Variants in CWH43 observed in about 807,000 individuals in gnomAD.
CWH43 encodes cell wall biogenesis 43 C-terminal homolog, also known as PGAP2-interacting protein.
In CWH43, 91 loss-of-function variants were observed where a neutral mutation model predicts 85.7. The ratio of observed to expected loss-of-function variants is 1.06; its 90% confidence interval spans 0.90 to 1.26. CWH43 has a LOEUF of 1.26. Among genes scored for constraint, CWH43 ranks in the 50% most tolerant of loss-of-function variants. The pLI is 0.00. For missense variants in CWH43, 869 were observed against 839.2 expected (o/e 1.04, Z -0.44); for synonymous variants, 323 against 293.6 (o/e 1.10, Z -1.02).
intron 14 of CWH43, among the ~76,000 whole-genome samples, chr4:49,049,703 C>T (rs1315765403): frequency 1.3e-5 from 2 of 152,144 alleles, no homozygotes; most frequent in Non-Finnish European, 2.9e-5. Flanking sequence ...TGTGGTTCCC[C>T]TTCCCTAAAC....
chr4:49,055,882 C>T (rs183118398), intron 15 of CWH43, among the ~76,000 whole-genome samples: 79 of 151,666 alleles, frequency 5.2e-4, no homozygotes, highest in Admixed American at 4.7e-3. Context: ...CAGGCATGAG[C>T]CACTATGGTC....
At chr4:49,017,219 A>G (rs371610302) in intron 8 of CWH43, 30 bp from the exon 9 acceptor site, 273 of 1,569,258 alleles carry the variant, frequency 1.7e-4, no homozygotes, top group Non-Finnish European at 2.3e-4. Flanking sequence ...TTATTTTAAA[A>G]AAACCCAATT....
Position 49,048,297 on chromosome 4 carries a change from C to CTG in CWH43, c.1866-2389_1866-2388dup, listed in dbSNP as rs543139172. Among the ~76,000 whole-genome samples, 838 of 151,036 alleles carry CTG rather than the reference C, an allele frequency of 5.5e-3. 8 individuals carry two copies. The highest frequency in any genetic ancestry group is 0.019 in the African/African-American group (779 of 41,106). On this transcript the variant is annotated intron_variant, in intron 14 of 15. Transcript: ENST00000226432. ...CAGAGTTTATATATATATACACACTCTGTGTGTGTATATATATATACACTC... is the reference window on the plus strand; with the variant it reads ...CAGAGTTTATATATATATACACACTCTGTGTGTGTGTATATATATATACACTC...
intron 8 of CWH43, among the ~76,000 whole-genome samples, chr4:49,011,363 ATGTGTG>A (rs1348088620): frequency 6.6e-6 from 1 of 151,710 alleles, no homozygotes; most frequent in Non-Finnish European, 1.5e-5. Flanking sequence ...TTTTGAGCCC[ATGTGTG>A]TGTGCATGCA....
intron 8 of CWH43, among the ~76,000 whole-genome samples, chr4:49,009,921 A>G (rs1180004031): frequency 6.6e-6 from 1 of 152,156 alleles, no homozygotes; most frequent in Non-Finnish European, 1.5e-5. Flanking sequence ...TATCAGGGAT[A>G]TTGGTTTAAA....
intron 15 of CWH43, among the ~76,000 whole-genome samples, chr4:49,054,918 G>GAT (rs142608503): frequency 0.042 from 6,143 of 147,742 alleles, 146 homozygotes; most frequent in African/African-American, 0.055. Context: ...AGTTTTTAGG[G>GAT]ATATATATAT....
chr4:48,998,157 G>A (rs1185718773), intron 5 of CWH43, among the ~76,000 whole-genome samples: 2 of 152,120 alleles, frequency 1.3e-5, no homozygotes, highest in East Asian at 3.8e-4. Context: ...TTTGTTCTTG[G>A]CAGAATCATT....
chr4:49,031,064 C>T, intron 11 of CWH43, 104 bp downstream of exon 11: 2 of 1,096,826 alleles, frequency 1.8e-6, no homozygotes, highest in Admixed American at 2.8e-5. Flanking sequence ...TGAATGTGCC[C>T]CAGTGATGCT....
At chr4:49,021,041 C>A (rs1783737519) in intron 9 of CWH43, among the ~76,000 whole-genome samples, 1 of 152,236 alleles carries the variant, frequency 6.6e-6, no homozygotes, top group Admixed American at 6.5e-5. Flanking sequence ...TTTTGCTGTG[C>A]AGAAGTTTTT....
intron 14 of CWH43, among the ~76,000 whole-genome samples, chr4:49,045,124 C>A (rs1341434804): frequency 1.3e-5 from 2 of 152,066 alleles, no homozygotes; most frequent in Non-Finnish European, 2.9e-5. Flanking sequence ...ATGTAGCTGT[C>A]AACACATGGG....
intron 2 of CWH43, 102 bp from the exon 3 acceptor site, chr4:48,991,352 C>T: frequency 8.3e-7 from 1 of 1,208,446 alleles, no homozygotes. Flanking sequence ...CTCTGTCTTC[C>T]TGAGTATAAA....
At chr4:49,034,197 T>C (rs1376687329) in intron 12 of CWH43, among the ~76,000 whole-genome samples, 2 of 152,178 alleles carry the variant, frequency 1.3e-5, no homozygotes, top group Admixed American at 1.3e-4. Flanking sequence ...AATGCTTTCT[T>C]TTTTTCCCAG....
In CWH43 at chr4:49,050,863, T is replaced by C. The variant is rs1784770566; in HGVS notation, c.2021+14T>C. ...TTTTAATCCCAGGTGAGTTCCTTTA[T>C]GCTGTAGTTCCAGTTATGAGCTACT... On this transcript the variant is annotated intron_variant, in intron 15 of 15. Transcript: ENST00000226432. 2 of 1,601,772 alleles carry C rather than the reference T, an allele frequency of 1.2e-6. No homozygotes were observed. Among genetic ancestry groups the C allele is most frequent in the East Asian group, 2.2e-5 (1 of 44,674 alleles).
At chr4:49,007,797 C>A (rs559658101) in intron 8 of CWH43, among the ~76,000 whole-genome samples, 2 of 152,290 alleles carry the variant, frequency 1.3e-5, no homozygotes, top group African/African-American at 2.4e-5. Flanking sequence ...CTGCAAAGGA[C>A]ATGAACTCAT....
At chr4:49,019,994 G>A (rs1375120492) in intron 9 of CWH43, among the ~76,000 whole-genome samples, 2 of 152,076 alleles carry the variant, frequency 1.3e-5, no homozygotes, top group Non-Finnish European at 2.9e-5. Flanking sequence ...CACCCAATAT[G>A]TAGTCTTATT....
At chr4:48,986,676 A>T in intron 1 of CWH43, 1 of 1,345,330 alleles carries the variant, frequency 7.4e-7, no homozygotes. Flanking sequence ...CTTCAAGCTG[A>T]GTCTGCGAGG....
At chr4:49,058,298 A>G (rs570099852) in intron 15 of CWH43, among the ~76,000 whole-genome samples, 8 of 152,276 alleles carry the variant, frequency 5.3e-5, no homozygotes, top group African/African-American at 1.9e-4. Flanking sequence ...TCTTACATAA[A>G]ACATAACTAT....
chr4:48,986,785 G>C, intron 1 of CWH43: 1 of 1,221,960 alleles, frequency 8.2e-7, no homozygotes, highest in Non-Finnish European at 1.0e-6. Flanking sequence ...CCGCGCGGCC[G>C]GTACCGTCCC....
intron 15 of CWH43, among the ~76,000 whole-genome samples, chr4:49,058,658 G>A (rs552805904): frequency 2.1e-4 from 32 of 152,258 alleles, no homozygotes; most frequent in African/African-American, 7.7e-4. Context: ...ATCTAATGAT[G>A]ATGAACTCCT....
Sources: gnomAD v4.1 joint callset for allele counts (sites outside exome capture counted in the v4.1 genomes callset) on GRCh38, gnomAD v4.1.1 for gene constraint, MANE v1.5 for transcripts, NCBI Gene and HGNC (gene_info 2026-07-23, HGNC 2026-07-21) for gene names.